The following GNB1L variants were observed in gnomAD, a reference collection of about 807,000 sequenced individuals.
GNB1L encodes guanine nucleotide-binding protein subunit beta-like protein 1.
In GNB1L, 20 loss-of-function variants were observed where a neutral mutation model predicts 29.1. That is an observed-to-expected ratio of 0.69 (90% CI 0.48 to 1.00). GNB1L has a LOEUF of 1.00. Among genes scored for constraint, GNB1L ranks in the 50% least tolerant of loss-of-function variants. GNB1L has a pLI of 0.00. For synonymous variants in GNB1L, 193 were observed against 206.5 expected, an observed-to-expected ratio of 0.93 and a Z score of 0.56; for missense variants, 421 against 464.9, an observed-to-expected ratio of 0.91 and a Z score of 0.87.
intron 7 of GNB1L, among the ~76,000 whole-genome samples, chr22:19,795,977 C>G (rs767613369): frequency 6.6e-6 from 1 of 151,700 alleles, no homozygotes; most frequent in Non-Finnish European, 1.5e-5. Context: ...CGCTCACACA[C>G]GACATGCAAT....
At chr22:19,847,112 G>A (rs1338961946) in intron 2 of GNB1L, 2 of 985,334 alleles carry the variant, frequency 2.0e-6, no homozygotes, top group Non-Finnish European at 2.4e-6. Flanking sequence ...ATGGAAGTGG[G>A]GTGACACACA....
In GNB1L at chr22:19,806,709, G is replaced by C; in HGVS notation, c.466C>G (p.Pro156Ala). 6.2e-7 allele frequency: 1 copy of C among 1,613,684 alleles called. No homozygotes were observed. The highest frequency in any genetic ancestry group is 8.5e-7 in the Non-Finnish European group (1 of 1,179,872). Residue 156 changes from proline (P) to alanine (A), a missense_variant, in exon 6 of 8, where the codon CCG becomes GCG. Coordinates refer to ENST00000329517, the MANE Select transcript of GNB1L (RefSeq NM_053004.3). ...ATGCCCAGCTTGGCATCTGCCTTCG[G>C]CTTCAGGGCGCACACTGACGTCTTG... The part of the protein sequence containing the change: ...PSKTSVCALK[P>A]KADAKLGMPM...
chr22:19,793,042 T>C, intron 7 of GNB1L: 1 of 1,595,598 alleles, frequency 6.3e-7, no homozygotes, highest in South Asian at 1.1e-5. Context: ...GTGGCTCGTA[T>C]CGCCAAGCTC....
At chr22:19,789,043 C>A in intron 7 of GNB1L, 83 bp from the exon 8 acceptor site, 1 of 1,430,330 alleles carries the variant, frequency 7.0e-7, no homozygotes, top group Admixed American at 2.0e-5. Flanking sequence ...GCAGCTGGAA[C>A]CAGGAGAGAC....
At chr22:19,810,254 G>A (rs1318449645) in intron 5 of GNB1L, among the ~76,000 whole-genome samples, 8 of 152,150 alleles carry the variant, frequency 5.3e-5, no homozygotes, top group Admixed American at 3.9e-4. Context: ...CAGCCTACAC[G>A]GCCATACACA....
At chr22:19,801,179 C>T (rs1022722516) in intron 7 of GNB1L, among the ~76,000 whole-genome samples, 1 of 152,200 alleles carries the variant, frequency 6.6e-6, no homozygotes, top group African/African-American at 2.4e-5. Context: ...CCTTCACCCA[C>T]TAGACTGGGC....
At position 19,806,639 on chromosome 22, in the gene GNB1L, T is replaced by C. The variant is rs762474394; in HGVS notation, c.516+20A>G. 1.3e-5 allele frequency: 20 copies of C among 1,507,808 alleles called. No homozygotes were observed. The South Asian group carries it at 2.3e-4, about 17-fold the overall frequency. 93.4% of individuals were successfully genotyped at this position (1,507,808 alleles called of 1,614,324 possible). ...GTGGGTGTGGCCGGCAGGGCGTGGC[T>C]GGTGCACGCGGGGCCTTACCTGCCA... On this transcript the variant is annotated intron_variant, in intron 6 of 7. Coordinates refer to ENST00000329517, the MANE Select transcript of GNB1L (RefSeq NM_053004.3).
At chr22:19,811,281 C>T (rs1204692109) in intron 5 of GNB1L, among the ~76,000 whole-genome samples, 1 of 152,192 alleles carries the variant, frequency 6.6e-6, no homozygotes, top group Non-Finnish European at 1.5e-5. Flanking sequence ...GCGTGGGGGC[C>T]GTCCTGCCCA....
At chr22:19,823,709 C>A (rs1412399458) in intron 2 of GNB1L, among the ~76,000 whole-genome samples, 1 of 152,200 alleles carries the variant, frequency 6.6e-6, no homozygotes, top group Non-Finnish European at 1.5e-5. Flanking sequence ...TATGCTCACA[C>A]ATACACACAC....
chr22:19,798,197 G>A lies in GNB1L; in HGVS notation c.732+3804C>T, dbSNP rs533953162. ...GGCCGTCAAGTCCAGCACCTGCTGCGCAGGGCCGTGAGGGGATGCTGGCAT... is the reference window on the plus strand; with the variant it reads ...GGCCGTCAAGTCCAGCACCTGCTGCACAGGGCCGTGAGGGGATGCTGGCAT... On this transcript the variant is annotated intron_variant, in intron 7 of 7. Coordinates refer to ENST00000329517, the MANE Select transcript of GNB1L (RefSeq NM_053004.3). Among the ~76,000 whole-genome samples the A allele has an allele frequency of 3.3e-5, 5 of 152,272 alleles. No individual in the cohort carries two copies. The East Asian group carries it at 9.7e-4, about 29-fold the overall frequency.
At chr22:19,799,423 C>T (rs541411201) in intron 7 of GNB1L, among the ~76,000 whole-genome samples, 1 of 152,350 alleles carries the variant, frequency 6.6e-6, no homozygotes, top group African/African-American at 2.4e-5. Flanking sequence ...GCCTCCTCGT[C>T]ACCACCGCGG....
rs1937268468 is a variant in GNB1L at position 19,792,975 on chromosome 22, G to A, written c.733-4015C>T. On this transcript the variant is annotated intron_variant, in intron 7 of 7. Coordinates refer to ENST00000329517, the MANE Select transcript of GNB1L (RefSeq NM_053004.3). Reference sequence around the variant, plus strand: ...GGAAGCTATCAGGACCAATTACAATGACAGATACGATGAGATCCGCCGTCA... The same window carrying A: ...GGAAGCTATCAGGACCAATTACAATAACAGATACGATGAGATCCGCCGTCA... 1.0e-5 allele frequency: 15 copies of A among 1,487,672 alleles called. No homozygotes were observed. The South Asian group carries it at 1.6e-4, about 16-fold the overall frequency. 92.2% of individuals were successfully genotyped at this position (1,487,672 alleles called of 1,614,324 possible).
intron 5 of GNB1L, among the ~76,000 whole-genome samples, chr22:19,809,279 C>T (rs1042581318): frequency 4.6e-5 from 7 of 151,976 alleles, no homozygotes; most frequent in South Asian, 2.1e-4. Flanking sequence ...CATCAACCAG[C>T]GAGCGGAATG....
chr22:19,852,006 T>C (rs755351788), intron 2 of GNB1L: 4 of 1,614,176 alleles, frequency 2.5e-6, no homozygotes, highest in African/African-American at 2.7e-5. Flanking sequence ...GAGCTGGGCA[T>C]GTGCCCAGCT....
chr22:19,851,590 T>C (rs202242238), intron 2 of GNB1L: 2 of 1,600,788 alleles, frequency 1.2e-6, no homozygotes, highest in East Asian at 2.2e-5. Flanking sequence ...CCATGTCGAG[T>C]GCCAGGCCCT....
rs941306805 is a variant in GNB1L, at chr22:19,816,652, A to G, written c.254+3946T>C. On this transcript the variant is annotated intron_variant, in intron 4 of 7. Transcript: ENST00000329517. This position sits in a 1 kb window ranked among gnomAD's most constrained non-coding sequence, Gnocchi z 4.4. ...CACACCTCATACACACCTCACATAC[A>G]TACACACCACACAGGCACCTCACAC... Among the ~76,000 whole-genome samples the G allele has an allele frequency of 2.6e-5, 4 of 151,992 alleles. No individual in the cohort carries two copies. The highest frequency in any genetic ancestry group is 9.7e-5 in the African/African-American group (4 of 41,380).
At chr22:19,843,256 A>G (rs1292547016) in intron 2 of GNB1L, among the ~76,000 whole-genome samples, 3 of 152,280 alleles carry the variant, frequency 2.0e-5, no homozygotes, top group Non-Finnish European at 4.4e-5. Context: ...CAGAAATAGT[A>G]TCACGGCTGG....
chr22:19,810,051 G>A (rs764921894), intron 5 of GNB1L, among the ~76,000 whole-genome samples: 2 of 152,196 alleles, frequency 1.3e-5, no homozygotes, highest in African/African-American at 4.8e-5. Flanking sequence ...CCTACTTTTT[G>A]CACTCCTCTG....
intron 7 of GNB1L, among the ~76,000 whole-genome samples, chr22:19,796,203 G>A (rs1236588485): frequency 1.3e-5 from 2 of 152,198 alleles, no homozygotes; most frequent in Non-Finnish European, 2.9e-5. Context: ...TCATTCACCA[G>A]GAAATCACCA....
Sources: gnomAD v4.1 joint callset for allele counts (sites outside exome capture counted in the v4.1 genomes callset) on GRCh38, gnomAD v4.1.1 for gene constraint, Gnocchi (gnomAD v3.1) non-coding constraint, MANE v1.5 for transcripts, NCBI Gene and HGNC (gene_info 2026-07-23, HGNC 2026-07-21) for gene names.